KDM4C: variants seen among roughly 807,000 people sequenced by gnomAD.
KDM4C encodes lysine demethylase 4C, also known as lysine-specific demethylase 4C.
In KDM4C, 81 loss-of-function variants were observed where a neutral mutation model predicts 129.3. That is an observed-to-expected ratio of 0.63 (90% CI 0.52 to 0.75). The LOEUF (loss-of-function observed/expected upper bound fraction) is 0.75, where lower values mean the gene tolerates loss of function less well. Ranked by LOEUF, KDM4C falls within the 30% of genes least tolerant of loss-of-function variation. KDM4C has a pLI of 0.00. For missense variants in KDM4C, 1,457 were observed against 1,304.0 expected (o/e 1.12, Z -1.81); for synonymous variants, 573 against 456.1 (o/e 1.26, Z -3.26).
Position 6,814,671 on chromosome 9 carries a change from C to A in KDM4C, c.361C>A (p.Arg121Ser). ...ATACTTGGATTACGAAGATTTGGAG[C>A]GCAAGTACTGGAAGAACTTAACTTT... ...PRYLDYEDLE[R>S]KYWKNLTFVA... Residue 121 changes from arginine to serine, a missense_variant, in exon 4 of 22, where the codon CGC becomes AGC. By Grantham distance (110) the Arg-to-Ser change is moderately radical. Coordinates refer to ENST00000381309, the MANE Select transcript of KDM4C (RefSeq NM_015061.6). The A allele has an allele frequency of 6.2e-7, 1 of 1,607,990 alleles. No homozygotes were observed.
intron 19 of KDM4C, among the ~76,000 whole-genome samples, chr9:7,133,136 G>C (rs1045025693): frequency 6.6e-6 from 1 of 152,062 alleles, no homozygotes; most frequent in Non-Finnish European, 1.5e-5. Flanking sequence ...CTACTAATTT[G>C]AAAGGAGCAA....
rs538065124 is a variant in KDM4C at position 6,889,455 on chromosome 9, G to A, written c.783+1392G>A. ...AAATCGTGCCTCCGAGATGTGCACC[G>A]TGGGGGCTGCCTGCGGGTGTAGGGA... is the stretch of plus-strand genomic sequence containing the variant. On this transcript the variant is annotated intron_variant, in intron 7 of 21. Transcript: ENST00000381309. 1.8e-4 allele frequency among the ~76,000 whole-genome samples: 27 copies of A among 152,156 alleles called. No homozygotes were observed. In the South Asian group the frequency reaches 2.3e-3, roughly 13 times the overall value.
rs866523946 is a variant in KDM4C, at chr9:6,807,921, A to G, written c.320+2147A>G. On this transcript the variant is annotated intron_variant, in intron 3 of 21. Coordinates refer to ENST00000381309, the MANE Select transcript of KDM4C (RefSeq NM_015061.6). ...GTGTCAGCCCCCAGCCCGGCCAGCC[A>G]CCCCCTCCGGGAGGGAGGTGGGGGG... Among the ~76,000 whole-genome samples, 69 of 83,600 alleles carry G rather than the reference A, an allele frequency of 8.3e-4. 2 individuals carry two copies. Among genetic ancestry groups the G allele is most frequent in the South Asian group, 5.1e-3 (11 of 2,146 alleles). 54.8% of individuals were successfully genotyped at this position (83,600 alleles called of 152,430 possible).
chr9:7,112,837 T>G (rs1564133545), intron 18 of KDM4C, among the ~76,000 whole-genome samples: 2 of 152,252 alleles, frequency 1.3e-5, no homozygotes, highest in Non-Finnish European at 2.9e-5. Context: ...ATGGTGTCAT[T>G]TCCACAAATC....
chr9:7,174,376 C>A (rs1266907815), intron 21 of KDM4C, among the ~76,000 whole-genome samples, 177 bp from the exon 22 acceptor site: 4 of 152,148 alleles, frequency 2.6e-5, no homozygotes, highest in Non-Finnish European at 5.9e-5. Flanking sequence ...AATGGAGCCC[C>A]CCACTTTGGG....
At chr9:7,172,274 C>A (rs1845042460) in intron 21 of KDM4C, among the ~76,000 whole-genome samples, 1 of 152,168 alleles carries the variant, frequency 6.6e-6, no homozygotes, top group Non-Finnish European at 1.5e-5. Context: ...AGCCAGCAGT[C>A]CACCTCAGTG....
chr9:6,931,506 A>AT (rs67510930), intron 8 of KDM4C, among the ~76,000 whole-genome samples: 14,210 of 151,444 alleles, frequency 0.094, 717 homozygotes, highest in East Asian at 0.15. Flanking sequence ...ATATATATAT[A>AT]TTTTTTTTTC....
intron 1 of KDM4C, among the ~76,000 whole-genome samples, chr9:6,751,636 G>T (rs574506489): frequency 2.8e-4 from 43 of 152,240 alleles, no homozygotes; most frequent in African/African-American, 1.0e-3. Context: ...AGTTCAAGAA[G>T]AGAGAAGCCA....
At chr9:7,074,689 C>T (rs995375722) in intron 17 of KDM4C, among the ~76,000 whole-genome samples, 1 of 152,090 alleles carries the variant, frequency 6.6e-6, no homozygotes, top group Non-Finnish European at 1.5e-5. Flanking sequence ...TACCTATATA[C>T]TATTTGCAGT....
chr9:7,143,363 T>G (rs1841940795), intron 19 of KDM4C, among the ~76,000 whole-genome samples: 1 of 152,332 alleles, frequency 6.6e-6, no homozygotes. Flanking sequence ...AATCAGATGT[T>G]AGCAAGAATC....
intron 15 of KDM4C, among the ~76,000 whole-genome samples, chr9:7,031,357 C>T (rs1224405527): frequency 6.6e-6 from 1 of 151,914 alleles, no homozygotes; most frequent in East Asian, 1.9e-4. Flanking sequence ...GACAGGGTTT[C>T]ACCGTGTTGG....
At chr9:7,053,801 A>T (rs2132609383) in intron 17 of KDM4C, among the ~76,000 whole-genome samples, 1 of 152,336 alleles carries the variant, frequency 6.6e-6, no homozygotes, top group South Asian at 2.1e-4. Flanking sequence ...AAAAAATGCT[A>T]CAGGTTGCTA....
chr9:6,873,191 T>C (rs1317513989), intron 5 of KDM4C, among the ~76,000 whole-genome samples: 1 of 152,198 alleles, frequency 6.6e-6, no homozygotes, highest in Non-Finnish European at 1.5e-5. Flanking sequence ...GAGACGGGGT[T>C]TCACCATGTT....
intron 8 of KDM4C, among the ~76,000 whole-genome samples, chr9:6,942,019 G>A (rs1465245654): frequency 6.6e-6 from 1 of 152,108 alleles, no homozygotes; most frequent in Non-Finnish European, 1.5e-5. Context: ...CAGATGATTT[G>A]AAACTCTTTT....
chr9:6,878,721 A>AT (rs140231011), intron 5 of KDM4C, among the ~76,000 whole-genome samples: 1,966 of 152,260 alleles, frequency 0.013, 15 homozygotes, highest in Non-Finnish European at 0.02. Flanking sequence ...GCATATTCAT[A>AT]TTACATGTAT....
chr9:6,804,481 C>T (rs1364642370), intron 2 of KDM4C, among the ~76,000 whole-genome samples: 6 of 152,078 alleles, frequency 3.9e-5, no homozygotes, highest in Non-Finnish European at 7.4e-5. Context: ...TAATGTTGGC[C>T]GGGCGTGGTG....
chr9:7,171,842 T>TA (rs894095601), intron 21 of KDM4C, among the ~76,000 whole-genome samples: 7 of 151,120 alleles, frequency 4.6e-5, no homozygotes, highest in Non-Finnish European at 7.4e-5. Flanking sequence ...AATTTTTAAT[T>TA]AAAAAAAAAG....
chr9:7,080,665 G>A (rs1277454013), intron 17 of KDM4C, among the ~76,000 whole-genome samples: 1 of 152,118 alleles, frequency 6.6e-6, no homozygotes, highest in Non-Finnish European at 1.5e-5. Flanking sequence ...TACATAAATT[G>A]GAATCTGCTG....
chr9:6,778,289 C>G (rs1823531876), intron 1 of KDM4C, among the ~76,000 whole-genome samples: 1 of 151,168 alleles, frequency 6.6e-6, no homozygotes, highest in African/African-American at 2.4e-5. Flanking sequence ...AGGGTTTCAC[C>G]ATGTTGGCCA....
Sources: gnomAD v4.1 joint callset for allele counts (sites outside exome capture counted in the v4.1 genomes callset) on GRCh38, gnomAD v4.1.1 for gene constraint, MANE v1.5 for transcripts, NCBI Gene and HGNC (gene_info 2026-07-23, HGNC 2026-07-21) for gene names.